TEX9: variants seen among roughly 807,000 people sequenced by gnomAD.
TEX9 encodes testis-expressed protein 9.
In TEX9, 74 loss-of-function variants were observed where a neutral mutation model predicts 59.6. The ratio of observed to expected loss-of-function variants is 1.24; its 90% CI spans 1.03 to 1.51. TEX9 has a LOEUF of 1.51. TEX9 is among the 40% of genes most tolerant of loss of function. The pLI, the probability that TEX9 is intolerant of heterozygous loss-of-function variation, is 0.00. For synonymous variants in TEX9, 186 were observed against 152.2 expected, an observed-to-expected ratio of 1.22 and a Z score of -1.64; for missense variants, 522 against 447.8, an observed-to-expected ratio of 1.17 and a Z score of -1.49.
At chr15:56,277,184 C>A (rs1251973291) in intron 1 of TEX9, among the ~76,000 whole-genome samples, 1 of 152,086 alleles carries the variant, frequency 6.6e-6, no homozygotes, top group African/African-American at 2.4e-5. Flanking sequence ...TTAATTAGAT[C>A]CCATTTGTCA....
Position 56,359,982 on chromosome 15 carries a change from T to G in TEX9, c.-106-13459T>G, listed in dbSNP as rs1280497760. On this transcript the variant is annotated intron_variant, in intron 1 of 5. Coordinates refer to the TEX9 transcript ENST00000560827. ...TGTCAAATGCTTTTGCTGCATGAAT[T>G]TATATGATCATATAATTTTTCTTCT... Among the ~76,000 whole-genome samples, 3 of 152,200 alleles carry G rather than the reference T, an allele frequency of 2.0e-5. No homozygotes were observed. In the East Asian group the frequency reaches 5.8e-4, roughly 29 times the overall value.
upstream of TEX9, chr15:56,365,299 A>C: frequency 9.5e-7 from 1 of 1,050,346 alleles, no homozygotes; most frequent in East Asian, 2.6e-5. Context: ...CTGCGAGCAA[A>C]GGCCGAGCCC....
At chr15:56,444,448 G>C (rs1041545543) in intron 12 of TEX9, 1 of 1,603,418 alleles carries the variant, frequency 6.2e-7, no homozygotes, top group Non-Finnish European at 8.5e-7. Context: ...ACTTACAACT[G>C]ATCTTCTTCA....
downstream of TEX9, among the ~76,000 whole-genome samples, chr15:56,449,660 G>C (rs1379477903): frequency 1.3e-5 from 2 of 152,144 alleles, no homozygotes; most frequent in African/African-American, 4.8e-5. Flanking sequence ...ACTTTGTCCT[G>C]AATGTTTGGT....
intron 1 of TEX9, among the ~76,000 whole-genome samples, chr15:56,317,287 A>G (rs1004195325): frequency 1.3e-5 from 2 of 152,246 alleles, no homozygotes; most frequent in Admixed American, 6.5e-5. Flanking sequence ...TTCTAGGAAT[A>G]TACTCATTTC....
At chr15:56,395,099 C>A (rs1035144257) in intron 9 of TEX9, 31 of 455,464 alleles carry the variant, frequency 6.8e-5, no homozygotes, top group Admixed American at 1.6e-4. Flanking sequence ...AAAGATACTT[C>A]ATACCCTTTA....
chr15:56,314,706 G>A (rs576477425), intron 1 of TEX9, among the ~76,000 whole-genome samples: 178 of 152,126 alleles, frequency 1.2e-3, no homozygotes, highest in African/African-American at 4.2e-3. Context: ...GGGTATCCTT[G>A]TTGACTTTCT....
chr15:56,319,564 C>T (rs1460047393), intron 1 of TEX9, among the ~76,000 whole-genome samples: 1 of 152,096 alleles, frequency 6.6e-6, no homozygotes, highest in African/African-American at 2.4e-5. Context: ...CTCAGATTTG[C>T]ATGTTGATTT....
intron 1 of TEX9, among the ~76,000 whole-genome samples, chr15:56,336,887 G>T (rs1392705038): frequency 1.3e-5 from 2 of 152,124 alleles, no homozygotes; most frequent in African/African-American, 4.8e-5. Context: ...TTTCAGCGTA[G>T]GGCGATTCCC....
At chr15:56,444,760 T>C (rs2050879051) in intron 12 of TEX9, 5 of 1,132,318 alleles carry the variant, frequency 4.4e-6, no homozygotes, top group Non-Finnish European at 6.3e-6. Flanking sequence ...TTGAATATTA[T>C]AAAGTCTTTT....
chr15:56,316,216 G>A (rs1393966305), intron 1 of TEX9, among the ~76,000 whole-genome samples: 35 of 149,922 alleles, frequency 2.3e-4, no homozygotes, highest in Admixed American at 2.1e-3. Flanking sequence ...CTTTGGAGGA[G>A]GAGAGGTGCT....
At chr15:56,293,385 AT>A (rs1266175957) in intron 1 of TEX9, among the ~76,000 whole-genome samples, 15 of 152,358 alleles carry the variant, frequency 9.8e-5, no homozygotes, top group African/African-American at 2.4e-4. Context: ...AATAAAAAAA[AT>A]AAAAAGAAGG....
intron 10 of TEX9, among the ~76,000 whole-genome samples, chr15:56,417,570 C>G (rs545066611): frequency 4.0e-5 from 6 of 151,550 alleles, no homozygotes; most frequent in East Asian, 1.9e-4. Context: ...GGTATGATTT[C>G]GTTCTTTTAC....
At chr15:56,343,073 G>A (rs969071904) in intron 1 of TEX9, among the ~76,000 whole-genome samples, 1 of 152,120 alleles carries the variant, frequency 6.6e-6, no homozygotes, top group Admixed American at 6.6e-5. Flanking sequence ...GGAGAAAGGA[G>A]TTAGGGCCAT....
intron 1 of TEX9, among the ~76,000 whole-genome samples, chr15:56,262,223 C>T (rs1424100882): frequency 6.6e-6 from 1 of 152,178 alleles, no homozygotes; most frequent in East Asian, 1.9e-4. Flanking sequence ...ATTTAAAGGG[C>T]CAAAACGCAT....
intron 9 of TEX9, chr15:56,396,234 C>G (rs1205862121): frequency 6.6e-6 from 1 of 151,950 alleles, no homozygotes; most frequent in African/African-American, 2.4e-5. Flanking sequence ...ATTTAAAAAC[C>G]CTGCTTTTTA....
chr15:56,307,504 G>A (rs2045511888), intron 1 of TEX9, among the ~76,000 whole-genome samples: 1 of 152,156 alleles, frequency 6.6e-6, no homozygotes, highest in Non-Finnish European at 1.5e-5. Flanking sequence ...TTTGAATTGA[G>A]GTTGATGGGA....
At chr15:56,450,518 T>C (rs967569438), downstream of TEX9, among the ~76,000 whole-genome samples, 2 of 152,248 alleles carry the variant, frequency 1.3e-5, no homozygotes, top group Admixed American at 6.5e-5. Context: ...GGAATTGTCC[T>C]TTTGTGTCTC....
At chr15:56,371,015 C>A (rs1175630621) in intron 2 of TEX9, among the ~76,000 whole-genome samples, 1 of 152,118 alleles carries the variant, frequency 6.6e-6, no homozygotes, top group Admixed American at 6.6e-5. Flanking sequence ...CAGCACCACA[C>A]CTGGCTAATT....
Sources: gnomAD v4.1 joint callset for allele counts (sites outside exome capture counted in the v4.1 genomes callset) on GRCh38, gnomAD v4.1.1 for gene constraint, MANE v1.5 for transcripts, NCBI Gene and HGNC (gene_info 2026-07-23, HGNC 2026-07-21) for gene names.